LRRTM3: variants seen among roughly 807,000 people sequenced by gnomAD.
LRRTM3 encodes leucine-rich repeat transmembrane neuronal protein 3.
Under a neutral mutation model 44.7 loss-of-function variants are expected in LRRTM3, and 24 were observed. That is an observed-to-expected ratio of 0.54 (90% CI 0.39 to 0.76). LRRTM3 has a LOEUF of 0.76. Ranked by LOEUF, LRRTM3 falls within the 30% of genes least tolerant of loss-of-function variation. The pLI is 0.00. For missense variants in LRRTM3, 587 were observed against 702.2 expected (o/e 0.84, Z 1.85); for synonymous variants, 277 against 278.7 (o/e 0.99, Z 0.06).
chr10:67,028,568 T>C (rs1218403655), intron 2 of LRRTM3, among the ~76,000 whole-genome samples: 2 of 151,338 alleles, frequency 1.3e-5, no homozygotes, highest in Non-Finnish European at 2.9e-5. Context: ...AATGTAGTTA[T>C]GTCAAACAGC....
intron 2 of LRRTM3, among the ~76,000 whole-genome samples, chr10:66,942,147 G>A (rs1374698270): frequency 6.6e-6 from 1 of 152,142 alleles, no homozygotes; most frequent in East Asian, 1.9e-4. Context: ...GGCACAGCAG[G>A]TGTCAGTAAA....
intron 2 of LRRTM3, among the ~76,000 whole-genome samples, chr10:67,026,647 C>A (rs1462246726): frequency 6.6e-6 from 1 of 152,094 alleles, no homozygotes; most frequent in Non-Finnish European, 1.5e-5. Flanking sequence ...GGAGCTTAAA[C>A]CCTGGGAGGA....
chr10:67,016,022 T>C (rs1039799636), intron 2 of LRRTM3, among the ~76,000 whole-genome samples: 1 of 134,220 alleles, frequency 7.5e-6, no homozygotes, highest in African/African-American at 2.5e-5. Flanking sequence ...CTTTTATTGC[T>C]GTATACTCTC....
rs556297954 is a variant in LRRTM3, at chr10:67,084,769, T to C, written c.1537-12818T>C. ...TTAAGCTTTTTCATAGAGAAGGCTG[T>C]ATCGCATAAAAAATCTGCCTAGACT... On this transcript the variant is annotated intron_variant, in intron 2 of 2. Coordinates refer to ENST00000361320, the MANE Select transcript of LRRTM3 (RefSeq NM_178011.5). Among the ~76,000 whole-genome samples the C allele has an allele frequency of 7.2e-5, 11 of 152,122 alleles. No individual in the cohort carries two copies. The South Asian group carries it at 2.3e-3, about 32-fold the overall frequency.
At chr10:67,071,508 TTTTG>T (rs1056699963) in intron 2 of LRRTM3, among the ~76,000 whole-genome samples, 47 of 110,128 alleles carry the variant, frequency 4.3e-4, no homozygotes, top group Non-Finnish European at 6.3e-4. Flanking sequence ...TTAAAGTTTT[TTTTG>T]TTTGTTTGTT....
Position 66,935,911 on chromosome 10 carries a change from A to C in LRRTM3, c.1536+7459A>C, listed in dbSNP as rs758316980. ...TAAAATAATTTATACCCCACCCACA[A>C]AAGGCTTCTCAAAGCCAAATCATGC... On this transcript the variant is annotated intron_variant, in intron 2 of 2. Coordinates refer to ENST00000361320, the MANE Select transcript of LRRTM3 (RefSeq NM_178011.5). Among the ~76,000 whole-genome samples the C allele has an allele frequency of 2.0e-4, 30 of 152,154 alleles. 1 individual carries two copies. The highest frequency in any genetic ancestry group is 4.0e-4 in the Non-Finnish European group (27 of 67,982).
rs1408143479 is a variant in LRRTM3, at chr10:67,006,727, A to C, written c.1536+78275A>C. ...TTTTAATGGTGAAATATTTAAAATAAATATCTTTGAATGTTCAAATTCTGT... is the reference window on the plus strand; with the variant it reads ...TTTTAATGGTGAAATATTTAAAATACATATCTTTGAATGTTCAAATTCTGT... On this transcript the variant is annotated intron_variant, in intron 2 of 2. Coordinates refer to ENST00000361320, the MANE Select transcript of LRRTM3 (RefSeq NM_178011.5). 2.6e-5 allele frequency among the ~76,000 whole-genome samples: 4 copies of C among 152,212 alleles called. No individual in the cohort carries two copies. The East Asian group carries it at 7.7e-4, about 29-fold the overall frequency.
chr10:66,976,001 T>C (rs1489406623), intron 2 of LRRTM3, among the ~76,000 whole-genome samples: 7 of 152,202 alleles, frequency 4.6e-5, no homozygotes, highest in Non-Finnish European at 1.0e-4. Flanking sequence ...TTGATTCTTT[T>C]CTACCAACTG....
intron 2 of LRRTM3, among the ~76,000 whole-genome samples, chr10:67,074,423 T>C (rs981345930): frequency 7.3e-6 from 1 of 137,060 alleles, no homozygotes; most frequent in African/African-American, 2.8e-5. Flanking sequence ...CGATCTCGGC[T>C]CACTGCAAGC....
At chr10:66,991,415 A>G (rs1440410007) in intron 2 of LRRTM3, among the ~76,000 whole-genome samples, 1 of 152,210 alleles carries the variant, frequency 6.6e-6, no homozygotes, top group Non-Finnish European at 1.5e-5. Context: ...TTATATCAAC[A>G]CTAAATCACA....
At chr10:67,075,264 A>T (rs1856687631) in intron 2 of LRRTM3, among the ~76,000 whole-genome samples, 1 of 151,602 alleles carries the variant, frequency 6.6e-6, no homozygotes, top group African/African-American at 2.4e-5. Context: ...ATCTTAAATT[A>T]AAAAAAAATC....
chr10:67,096,491 A>C (rs1858002090), intron 2 of LRRTM3, among the ~76,000 whole-genome samples: 1 of 151,962 alleles, frequency 6.6e-6, no homozygotes, highest in Admixed American at 6.6e-5. Context: ...TCTGTTCACC[A>C]AACAAGAATG....
chr10:67,052,333 TCTCTCTCTCTCTCTC>T, intron 2 of LRRTM3, among the ~76,000 whole-genome samples: 1 of 151,570 alleles, frequency 6.6e-6, no homozygotes, highest in Non-Finnish European at 1.5e-5. Context: ...TCTCTCTCTC[TCTCTCTCTCTCTCTC>T]TCTCTCATTA....
rs1049178081 is a variant in LRRTM3 at position 67,097,613 on chromosome 10, C to T, written c.1563C>T (p.Thr521=). The change falls in exon 3 of 3, where the codon ACC becomes ACT. Residue 521 remains threonine, a synonymous_variant. Coordinates refer to ENST00000361320, the MANE Select transcript of LRRTM3 (RefSeq NM_178011.5). ...TACCTTTATCAATGAATGTGTCAAC[C>T]TTTCTGGCATACGACCAGCCCACAA... is the stretch of plus-strand genomic sequence containing the variant. The part of the protein sequence containing the change: ...CEIPLSMNVS[T]FLAYDQPTIS... 6 of 1,612,304 alleles carry T rather than the reference C, an allele frequency of 3.7e-6. No homozygotes were observed. The highest frequency in any genetic ancestry group is 1.3e-5 in the African/African-American group (1 of 74,760).
rs1174443769 is a variant in LRRTM3, at chr10:66,928,102, C to A, written c.1186C>A (p.Pro396Thr). 3.8e-5 allele frequency: 62 copies of A among 1,613,956 alleles called. No homozygotes were observed. Among genetic ancestry groups the A allele is most frequent in the Non-Finnish European group, 4.6e-5 (54 of 1,180,040 alleles). The change falls in exon 2 of 3, where the codon CCC (proline) becomes ACC (threonine). Residue 396 changes from proline to threonine, a missense_variant. Physicochemically the swap from Pro to Thr is conservative, Grantham distance 38. Coordinates refer to ENST00000361320, the MANE Select transcript of LRRTM3 (RefSeq NM_178011.5). ...RPKHESKPPLPPTVGATEPGP... is the reference protein window; with the variant it reads ...RPKHESKPPLTPTVGATEPGP... Reference sequence around the variant, plus strand: ...GAAGCATGAGAGCAAACCCCCTTTGCCCCCGACGGTGGGAGCCACAGAGCC... The same window carrying A: ...GAAGCATGAGAGCAAACCCCCTTTGACCCCGACGGTGGGAGCCACAGAGCC...
intron 2 of LRRTM3, among the ~76,000 whole-genome samples, chr10:66,972,754 A>G (rs981053858): frequency 5.8e-5 from 8 of 136,786 alleles, no homozygotes; most frequent in Non-Finnish European, 1.2e-4. Context: ...TCTGTCACCC[A>G]GGCTGGAGTG....
Position 66,958,939 on chromosome 10 carries a change from G to C in LRRTM3, c.1536+30487G>C, listed in dbSNP as rs142407183. Among the ~76,000 whole-genome samples the C allele has an allele frequency of 2.6e-5, 4 of 152,232 alleles. No individual in the cohort carries two copies. In the East Asian group the frequency reaches 7.7e-4, roughly 29 times the overall value. On this transcript the variant is annotated intron_variant, in intron 2 of 2. Transcript: ENST00000361320. The stretch of plus-strand genomic sequence containing the variant: ...GTCAGATATCATTTAACTTGTCCAA[G>C]TAGTTACGCTTCTATTCAGACATAG...
chr10:67,089,103 C>T (rs950923343), intron 2 of LRRTM3, among the ~76,000 whole-genome samples: 2 of 151,906 alleles, frequency 1.3e-5, no homozygotes, highest in African/African-American at 4.8e-5. Context: ...AAGGGACTTA[C>T]ATAAACCTAA....
At chr10:67,065,882 G>A (rs1163418764) in intron 2 of LRRTM3, among the ~76,000 whole-genome samples, 1 of 151,762 alleles carries the variant, frequency 6.6e-6, no homozygotes, top group African/African-American at 2.4e-5. Flanking sequence ...ACTAAAAGAG[G>A]GATATAGACA....
Sources: allele counts gnomAD v4.1 joint callset (sites outside exome capture counted in the v4.1 genomes callset), GRCh38; gene constraint gnomAD v4.1.1; transcripts MANE v1.5; gene names NCBI Gene and HGNC (gene_info 2026-07-23, HGNC 2026-07-21).